Variants in NAALADL2 observed in about 807,000 individuals in gnomAD.
NAALADL2 encodes inactive N-acetylated-alpha-linked acidic dipeptidase-like protein 2.
A neutral mutation model predicts 87.2 loss-of-function variants in NAALADL2; 76 were observed. The ratio of observed to expected loss-of-function variants is 0.87; its 90% CI spans 0.72 to 1.05. NAALADL2 has a LOEUF of 1.05. Among genes scored for constraint, NAALADL2 ranks in the 50% least tolerant of loss-of-function variants. The pLI is 0.00. For synonymous variants in NAALADL2, 354 were observed against 331.0 expected, an observed-to-expected ratio of 1.07 and a Z score of -0.75; for missense variants, 1,089 against 945.8, an observed-to-expected ratio of 1.15 and a Z score of -1.99.
intron 11 of NAALADL2, among the ~76,000 whole-genome samples, chr3:175,666,805 G>A (rs942919144): frequency 6.6e-6 from 1 of 150,984 alleles, no homozygotes; most frequent in African/African-American, 2.4e-5. Flanking sequence ...AAATGAGTGG[G>A]TAGATAAAAA....
At chr3:174,717,383 G>A (rs1232112643) in intron 2 of NAALADL2, among the ~76,000 whole-genome samples, 1 of 152,084 alleles carries the variant, frequency 6.6e-6, no homozygotes, top group Non-Finnish European at 1.5e-5. Context: ...ATAATGCTGT[G>A]CACTGCAAAA....
intron 2 of NAALADL2, among the ~76,000 whole-genome samples, chr3:174,576,729 A>G (rs1715564723): frequency 6.6e-6 from 1 of 152,204 alleles, no homozygotes; most frequent in East Asian, 1.9e-4. Flanking sequence ...CTTTCAAGGG[A>G]ACTTGTTGCA....
chr3:174,865,630 C>G (rs909407535), intron 1 of NAALADL2, among the ~76,000 whole-genome samples: 9 of 151,916 alleles, frequency 5.9e-5, no homozygotes, highest in African/African-American at 1.4e-4. Flanking sequence ...TACACTGCCT[C>G]AAAAGGTAGA....
chr3:175,377,897 C>T (rs972782247), intron 5 of NAALADL2, among the ~76,000 whole-genome samples: 4 of 151,930 alleles, frequency 2.6e-5, no homozygotes, highest in Non-Finnish European at 5.9e-5. Flanking sequence ...ATCCCCTTTT[C>T]AGCTCCTCTT....
At chr3:175,366,315 A>C (rs2148926503) in intron 5 of NAALADL2, among the ~76,000 whole-genome samples, 1 of 151,652 alleles carries the variant, frequency 6.6e-6, no homozygotes, top group South Asian at 2.1e-4. Context: ...GCCTCAATAA[A>C]CATACGTGTG....
intron 10 of NAALADL2, among the ~76,000 whole-genome samples, chr3:175,577,334 T>C (rs1439579461): frequency 1.3e-5 from 2 of 152,198 alleles, no homozygotes; most frequent in East Asian, 3.9e-4. Context: ...GTCCCCACTA[T>C]TGCAGTTATT....
At chr3:174,662,031 A>G (rs1354200240) in intron 2 of NAALADL2, among the ~76,000 whole-genome samples, 4 of 152,220 alleles carry the variant, frequency 2.6e-5, no homozygotes, top group African/African-American at 7.2e-5. Context: ...CATAAGCTAT[A>G]TAGCTCATCC....
rs556054778 is a variant in NAALADL2, at chr3:175,233,684, C to T, written c.546-247C>T. 1.6e-4 allele frequency among the ~76,000 whole-genome samples: 24 copies of T among 152,194 alleles called. No homozygotes were observed. In the South Asian group the frequency reaches 4.8e-3, roughly 30 times the overall value. ...TAGTCCTGTGCTTAAGCGATCCTCC[C>T]TCCTTAGCATCCTAAAGTTCTGGGA... On this transcript the variant is annotated intron_variant, in intron 2 of 13. Transcript: ENST00000454872.
intron 5 of NAALADL2, among the ~76,000 whole-genome samples, chr3:175,390,692 A>AAGAC (rs753467891): frequency 1.3e-4 from 20 of 152,132 alleles, no homozygotes; most frequent in Non-Finnish European, 2.8e-4. Flanking sequence ...TTCTGGTAAA[A>AAGAC]AGACATTTTT....
intron 3 of NAALADL2, among the ~76,000 whole-genome samples, chr3:174,822,229 C>T (rs1023179536): frequency 2.0e-5 from 3 of 151,746 alleles, no homozygotes; most frequent in African/African-American, 4.8e-5. Flanking sequence ...TATATGAGAG[C>T]GGATAGACCC....
At chr3:175,749,907 G>T (rs192501576) in intron 12 of NAALADL2, among the ~76,000 whole-genome samples, 118 of 152,280 alleles carry the variant, frequency 7.7e-4, no homozygotes, top group African/African-American at 2.8e-3. Flanking sequence ...GTGACCTGCT[G>T]TTGGAAGGTG....
chr3:175,777,375 A>G (rs1158612235), intron 13 of NAALADL2, among the ~76,000 whole-genome samples: 1 of 152,118 alleles, frequency 6.6e-6, no homozygotes, highest in African/African-American at 2.4e-5. Flanking sequence ...AATGGAAATA[A>G]TAATAGTACC....
At chr3:175,571,126 T>G (rs1283011230) in intron 9 of NAALADL2, among the ~76,000 whole-genome samples, 1 of 152,220 alleles carries the variant, frequency 6.6e-6, no homozygotes, top group African/African-American at 2.4e-5. Flanking sequence ...ACTATTTAAC[T>G]AATGCAAGTA....
chr3:175,575,145 C>T (rs1373576540), intron 9 of NAALADL2, among the ~76,000 whole-genome samples: 1 of 152,100 alleles, frequency 6.6e-6, no homozygotes, highest in African/African-American at 2.4e-5. Context: ...TCTTATATTC[C>T]CCAGAGCTTG....
chr3:175,062,585 A>G (rs545355962), intron 1 of NAALADL2, among the ~76,000 whole-genome samples: 23 of 151,612 alleles, frequency 1.5e-4, no homozygotes, highest in South Asian at 8.3e-4. Context: ...GTGGTTGGGA[A>G]TTACTACTAT....
chr3:175,646,242 C>T (rs1362104168), intron 11 of NAALADL2, among the ~76,000 whole-genome samples: 1 of 151,608 alleles, frequency 6.6e-6, no homozygotes, highest in African/African-American at 2.4e-5. Context: ...TTCAGTATGC[C>T]AATATATTTA....
At chr3:174,639,868 C>T (rs1722999661) in intron 2 of NAALADL2, among the ~76,000 whole-genome samples, 1 of 152,042 alleles carries the variant, frequency 6.6e-6, no homozygotes, top group East Asian at 1.9e-4. Flanking sequence ...AATTTGATAC[C>T]AACTACCACC....
At chr3:174,890,802 AATT>A (rs1730777678) in intron 1 of NAALADL2, among the ~76,000 whole-genome samples, 1 of 152,154 alleles carries the variant, frequency 6.6e-6, no homozygotes, top group Non-Finnish European at 1.5e-5. Context: ...TGTGAACAAT[AATT>A]ACTAAATAAA....
intron 2 of NAALADL2, among the ~76,000 whole-genome samples, chr3:174,712,603 G>C (rs566363804): frequency 3.1e-4 from 47 of 151,550 alleles, no homozygotes; most frequent in Non-Finnish European, 1.5e-4. Flanking sequence ...AGCCAGGATG[G>C]TCTCGATCTC....
Sources: allele counts gnomAD v4.1 joint callset (sites outside exome capture counted in the v4.1 genomes callset), GRCh38; gene constraint gnomAD v4.1.1; transcripts MANE v1.5; gene names NCBI Gene and HGNC (gene_info 2026-07-23, HGNC 2026-07-21).